USP37: variants seen among roughly 807,000 people sequenced by gnomAD.
USP37 encodes ubiquitin carboxyl-terminal hydrolase 37.
A neutral mutation model predicts 124.0 loss-of-function variants in USP37; 27 were observed. That is an observed-to-expected ratio of 0.22 (90% confidence interval 0.16 to 0.30). The LOEUF is 0.30. Among genes scored for constraint, USP37 ranks in the 10% least tolerant of loss-of-function variants. The pLI is 1.00. For missense variants in USP37, 889 were observed against 1,140.4 expected (o/e 0.78, Z 3.17); for synonymous variants, 365 against 388.0 (o/e 0.94, Z 0.70).
At chr2:218,561,066 T>TAGTCCA (rs1276381656) in intron 2 of USP37, among the ~76,000 whole-genome samples, 183 bp from the exon 3 acceptor site, 23 of 152,356 alleles carry the variant, frequency 1.5e-4, no homozygotes, top group Admixed American at 1.4e-3. Context: ...AGTCCATTAA[T>TAGTCCA]GTTTATAGAA....
intron 16 of USP37, among the ~76,000 whole-genome samples, chr2:218,484,892 A>G (rs1383014805): frequency 6.6e-6 from 1 of 152,234 alleles, no homozygotes; most frequent in Non-Finnish European, 1.5e-5. Flanking sequence ...TAACCACATA[A>G]TAATTTTTTG....
Position 218,466,173 on chromosome 2 carries a change from G to C in USP37, c.2303C>G (p.Pro768Arg). ...EKPKTITELD[P>R]ASFTEITKDC... ...TTTAGTTATCTCAGTAAAACTGGCA[G>C]GATCTGAGGAAGCAGAACATAACAT... Residue 768 changes from proline to arginine, a missense_variant, in exon 21 of 26, where the codon CCT (proline) becomes CGT (arginine). Pro to Arg is a moderately radical substitution (Grantham distance 103). Transcript: ENST00000258399. 6.3e-7 allele frequency: 1 copy of C among 1,597,330 alleles called. No individual in the cohort carries two copies. The highest frequency in any genetic ancestry group is 8.5e-7 in the Non-Finnish European group (1 of 1,174,646).
At position 218,553,533 on chromosome 2, in the gene USP37, C is replaced by G. The variant is rs558451302; in HGVS notation, c.328+20G>C. 2 of 1,598,826 alleles carry G rather than the reference C, an allele frequency of 1.3e-6. No individual in the cohort carries two copies. The highest frequency in any genetic ancestry group is 1.1e-5 in the South Asian group (1 of 88,976). ...CTTGTAAAAATACTAACGTTAGACC[C>G]TGGGGTGATTAGTACTCACCTGCAG... is the stretch of plus-strand genomic sequence containing the variant. On this transcript the variant is annotated intron_variant, in intron 5 of 25. Coordinates refer to ENST00000258399, the MANE Select transcript of USP37 (RefSeq NM_020935.3).
At chr2:218,541,626 C>T (rs1691978858) in intron 8 of USP37, among the ~76,000 whole-genome samples, 1 of 152,046 alleles carries the variant, frequency 6.6e-6, no homozygotes, top group Non-Finnish European at 1.5e-5. Context: ...GAAGAGATGT[C>T]AATATGGGTT....
intron 10 of USP37, among the ~76,000 whole-genome samples, chr2:218,520,235 C>T (rs1302933967): frequency 1.3e-5 from 2 of 152,006 alleles, no homozygotes; most frequent in African/African-American, 4.8e-5. Context: ...AGCCACTGAG[C>T]TTGGCCAATT....
chr2:218,479,842 T>A (rs555078803), intron 17 of USP37, 127 bp from the exon 18 acceptor site: 14 of 516,702 alleles, frequency 2.7e-5, no homozygotes, highest in Non-Finnish European at 3.3e-5. Flanking sequence ...ACAATTATAA[T>A]ACTTTTTAAA....
At chr2:218,538,299 A>C (rs7583449) in intron 8 of USP37, among the ~76,000 whole-genome samples, 42,659 of 152,114 alleles carry the variant, frequency 0.28, 7,569 homozygotes, top group Non-Finnish European at 0.39. Context: ...TGGAGAGAGA[A>C]GTGGGTCATG....
At chr2:218,511,693 C>T (rs757680119) in intron 10 of USP37, among the ~76,000 whole-genome samples, 4 of 151,896 alleles carry the variant, frequency 2.6e-5, no homozygotes, top group Non-Finnish European at 4.4e-5. Flanking sequence ...GCAATTTGCT[C>T]GCCTCAGCCT....
intron 11 of USP37, chr2:218,498,382 C>T (rs1689185686): frequency 9.7e-6 from 3 of 308,452 alleles, no homozygotes; most frequent in Non-Finnish European, 1.8e-5. Context: ...TACTAGATCA[C>T]GTTGATGCTG....
chr2:218,485,068 T>C (rs1050684133), intron 16 of USP37, among the ~76,000 whole-genome samples: 1 of 152,218 alleles, frequency 6.6e-6, no homozygotes, highest in South Asian at 2.1e-4. Context: ...TTTATTCTTA[T>C]ATACATGTGT....
chr2:218,454,789 T>C lies in USP37; in HGVS notation c.*141A>G. 6.8e-7 allele frequency: 1 copy of C among 1,467,348 alleles called. No individual in the cohort carries two copies. The highest frequency in any genetic ancestry group is 9.0e-7 in the Non-Finnish European group (1 of 1,113,226). The allele number at this position is 1,467,348 out of a possible 1,614,324, so 90.9% of individuals were successfully genotyped here. A position where few individuals can be genotyped will look rare whatever the true frequency, so the allele number is the denominator to read the frequency against. On this transcript the variant is annotated 3_prime_UTR_variant, in exon 26 of 26. Coordinates refer to ENST00000258399, the MANE Select transcript of USP37 (RefSeq NM_020935.3). ...CATGGAGCATTCTACGTTACTCCAA[T>C]TTTTGTCTTTTGGTTTGGCCCTGAG... is the stretch of plus-strand genomic sequence containing the variant.
intron 8 of USP37, among the ~76,000 whole-genome samples, chr2:218,542,711 C>G (rs1692057671): frequency 6.6e-6 from 1 of 152,164 alleles, no homozygotes; most frequent in South Asian, 2.1e-4. Flanking sequence ...CTTTGGTGAT[C>G]TGGTTTGAGG....
Position 218,560,810 on chromosome 2 carries a change from CA to C in USP37, c.-25+9del, listed in dbSNP as rs1057162394. The C allele has an allele frequency of 3.9e-5, 6 of 151,924 alleles. No individual in the cohort carries two copies. The highest frequency in any genetic ancestry group is 3.9e-4 in the Admixed American group (6 of 15,290). 9.4% of individuals were successfully genotyped at this position (151,924 alleles called of 1,614,324 possible). Reference sequence around the variant, plus strand: ...TTATTTTTAACAGCTACAAATCAAACAAAACTCACCTACAGGCAGGATACAG... The same window carrying C: ...TTATTTTTAACAGCTACAAATCAAACAAACTCACCTACAGGCAGGATACAG... On this transcript the variant is annotated intron_variant, in intron 3 of 25. Transcript: ENST00000258399.
rs1559212155 is a variant in USP37, at chr2:218,532,064, C to T, written c.779-2024G>A. 2.6e-5 allele frequency among the ~76,000 whole-genome samples: 4 copies of T among 152,180 alleles called. No individual in the cohort carries two copies. In the Middle Eastern group the frequency reaches 0.01, roughly 388 times the overall value. On this transcript the variant is annotated intron_variant, in intron 9 of 25. Transcript: ENST00000258399. ...ATGGTAGTGTCTGAAAGGACTGATCCCAATTTTGAAAGAAGTTCTGTGGGT... is the reference window on the plus strand; with the variant it reads ...ATGGTAGTGTCTGAAAGGACTGATCTCAATTTTGAAAGAAGTTCTGTGGGT...
chr2:218,553,290 AAG>A (rs1270701033), intron 5 of USP37, among the ~76,000 whole-genome samples: 1 of 152,188 alleles, frequency 6.6e-6, no homozygotes, highest in African/African-American at 2.4e-5. Flanking sequence ...TTTATCATGA[AAG>A]AGTGTTGGAT....
intron 6 of USP37, among the ~76,000 whole-genome samples, chr2:218,547,783 T>C (rs559588332): frequency 2.0e-5 from 3 of 152,206 alleles, no homozygotes; most frequent in South Asian, 2.1e-4. Context: ...GAATGAAACA[T>C]ATGATAGGGA....
At chr2:218,509,450 T>C (rs1001235052) in intron 11 of USP37, among the ~76,000 whole-genome samples, 3 of 152,184 alleles carry the variant, frequency 2.0e-5, no homozygotes, top group Non-Finnish European at 2.9e-5. Context: ...ATAAACACTT[T>C]AGGTAATAGA....
rs755451033 is a variant in USP37, at chr2:218,452,983, T to C, written c.*1947A>G. 4 of 152,188 alleles carry C rather than the reference T, an allele frequency of 2.6e-5. No homozygotes were observed. Among genetic ancestry groups the C allele is most frequent in the Non-Finnish European group, 4.4e-5 (3 of 68,046 alleles). 9.4% of individuals were successfully genotyped at this position (152,188 alleles called of 1,614,324 possible). ...TTAAAGCTAGTTTTAAAACAAATAT[T>C]TTCCTCTGCTCTAAACTACTCTGGC... On this transcript the variant is annotated 3_prime_UTR_variant, in exon 26 of 26. Transcript: ENST00000258399.
chr2:218,558,393 T>C (rs1190418511), intron 4 of USP37, 105 bp downstream of exon 4: 2 of 1,007,992 alleles, frequency 2.0e-6, no homozygotes, highest in Admixed American at 2.8e-5. Context: ...AAGCAAGAAA[T>C]ATTAATCTAG....
Sources: gnomAD v4.1 joint callset for allele counts (sites outside exome capture counted in the v4.1 genomes callset) on GRCh38, gnomAD v4.1.1 for gene constraint, MANE v1.5 for transcripts, NCBI Gene and HGNC (gene_info 2026-07-23, HGNC 2026-07-21) for gene names.